The following CYP11B2 variants were observed in gnomAD, a reference collection of about 807,000 sequenced individuals.
CYP11B2 encodes cytochrome P450 family 11 subfamily B member 2.
CYP11B2 carries 38 observed loss-of-function variants against 49.3 expected under a neutral mutation model. The ratio of observed to expected loss-of-function variants is 0.77; its 90% CI spans 0.59 to 1.01. CYP11B2 has a LOEUF of 1.01. CYP11B2 is among the 50% of genes least tolerant of loss of function. The pLI is 0.00. For synonymous variants in CYP11B2, 290 were observed against 269.3 expected, an observed-to-expected ratio of 1.08 and a Z score of -0.75; for missense variants, 669 against 655.5, an observed-to-expected ratio of 1.02 and a Z score of -0.23.
At position 142,914,416 on chromosome 8, in the gene CYP11B2, C is replaced by A; in HGVS notation, c.802G>T (p.Asp268Tyr). Residue 268 changes from aspartate to tyrosine, a missense_variant and splice_region_variant, in exon 5 of 9, where the codon GAC (aspartate) becomes TAC (tyrosine). By Grantham distance (160) the Asp-to-Tyr change is radical. Coordinates refer to ENST00000323110, the MANE Select transcript of CYP11B2 (RefSeq NM_000498.3). ...TGGTAGATTTTCTGGATACAGTTGTCACCTGTCCAGGGAGCAGGGGACAGC... is the reference window on the plus strand; with the variant it reads ...TGGTAGATTTTCTGGATACAGTTGTAACCTGTCCAGGGAGCAGGGGACAGC... ...EAWDCIFQYG[D>Y]NCIQKIYQEL... The A allele has an allele frequency of 3.1e-6, 5 of 1,611,756 alleles. No homozygotes were observed. The highest frequency in any genetic ancestry group is 4.2e-6 in the Non-Finnish European group (5 of 1,178,860).
Position 142,917,128 on chromosome 8 carries a change from C to T in CYP11B2, c.326G>A (p.Cys109Tyr), listed in dbSNP as rs527956959. 1.0e-4 allele frequency: 168 copies of T among 1,614,224 alleles called. 3 individuals are homozygous for T. In the East Asian group the frequency reaches 2.3e-3, roughly 22 times the overall value. ...KLQQVDSLHPCRMILEPWVAY... is the reference protein window; with the variant it reads ...KLQQVDSLHPYRMILEPWVAY... Reference sequence around the variant, plus strand: ...CACCCAGGGCTCCAGGATCATCCTGCAGGGATGCAGGCTGTCCACCTGTTG... The same window carrying T: ...CACCCAGGGCTCCAGGATCATCCTGTAGGGATGCAGGCTGTCCACCTGTTG... Residue 109 changes from cysteine (C) to tyrosine (Y), a missense_variant, in exon 2 of 9, where the codon TGC (cysteine) becomes TAC (tyrosine). By Grantham distance (194) the Cys-to-Tyr change is radical. Coordinates refer to ENST00000323110, the MANE Select transcript of CYP11B2 (RefSeq NM_000498.3).
intron 6 of CYP11B2, among the ~76,000 whole-genome samples, 198 bp from the exon 7 acceptor site, chr8:142,913,083 C>T (rs1817570675): frequency 6.6e-6 from 1 of 151,124 alleles, no homozygotes; most frequent in South Asian, 2.1e-4. Flanking sequence ...AGGACATGCC[C>T]CACGTTAATC....
chr8:142,914,258 C>G lies in CYP11B2; in HGVS notation c.954+6G>C. On this transcript the variant is annotated splice_donor_region_variant and intron_variant, in intron 5 of 8. Transcript: ENST00000323110. The stretch of plus-strand genomic sequence containing the variant: ...CTCTCTGGGTGGGGCTGGTTGCTGG[C>G]CTGACCGTGTCCACGCTCCCTGCAG... The G allele has an allele frequency of 6.2e-7, 1 of 1,614,036 alleles. No homozygotes were observed.
At position 142,911,134 on chromosome 8, in the gene CYP11B2, C is replaced by T. The variant is rs1324430867; in HGVS notation, c.*846G>A. ...ATGAGTCAATAAAACTCATCTGAGTCCTTGTTGGCCCAATCCTGTCTCTCC... is the reference window on the plus strand; with the variant it reads ...ATGAGTCAATAAAACTCATCTGAGTTCTTGTTGGCCCAATCCTGTCTCTCC... On this transcript the variant is annotated 3_prime_UTR_variant, in exon 9 of 9. Coordinates refer to ENST00000323110, the MANE Select transcript of CYP11B2 (RefSeq NM_000498.3). 1 of 152,180 alleles carries T rather than the reference C, an allele frequency of 6.6e-6. No homozygotes were observed. The highest frequency in any genetic ancestry group is 1.5e-5 in the Non-Finnish European group (1 of 68,062). 9.4% of individuals were successfully genotyped at this position (152,180 alleles called of 1,614,324 possible).
chr8:142,916,078 A>G (rs1186586872), intron 2 of CYP11B2, among the ~76,000 whole-genome samples: 1 of 133,368 alleles, frequency 7.5e-6, no homozygotes, highest in Non-Finnish European at 1.7e-5. Flanking sequence ...CCACACATAC[A>G]TTCACACACA....
Position 142,911,921 on chromosome 8 carries a change from C to G in CYP11B2, c.*59G>C, listed in dbSNP as rs569164710. 6.2e-7 allele frequency: 1 copy of G among 1,612,442 alleles called. No homozygotes were observed. The highest frequency in any genetic ancestry group is 2.2e-5 in the East Asian group (1 of 44,828). ...GCACGTGGGAGAGAAGACAGGTGGC[C>G]TGGGGTCAGGCAGAGGGAAGCTGGT... is the stretch of plus-strand genomic sequence containing the variant. On this transcript the variant is annotated 3_prime_UTR_variant, in exon 9 of 9. Transcript: ENST00000323110.
At chr8:142,913,540 G>A (rs1227399302) in intron 5 of CYP11B2, 89 bp from the exon 6 acceptor site, 2 of 1,510,754 alleles carry the variant, frequency 1.3e-6, no homozygotes, top group Non-Finnish European at 1.8e-6. Context: ...CCTCTGAGGG[G>A]TGGAGACATC....
Position 142,917,810 on chromosome 8 carries a change from C to G in CYP11B2, c.31G>C (p.Val11Leu), listed in dbSNP as rs574581657. 2 of 1,614,108 alleles carry G rather than the reference C, an allele frequency of 1.2e-6. No homozygotes were observed. Among genetic ancestry groups the G allele is most frequent in the Non-Finnish European group, 8.5e-7 (1 of 1,180,044 alleles). MALRAKAEVC[V>L]AAPWLSLQRA... ...TGCAGGGACAGCCAGGGCGCTGCCA[C>G]GCACACCTCTGCCTTTGCCCTGAGT... is the stretch of plus-strand genomic sequence containing the variant. Residue 11 changes from valine to leucine, a missense_variant, in exon 1 of 9, where the codon GTG becomes CTG. By Grantham distance (32) the Val-to-Leu change is conservative (BLOSUM62 1). Coordinates refer to ENST00000323110, the MANE Select transcript of CYP11B2 (RefSeq NM_000498.3).
intron 1 of CYP11B2, 51 bp from the exon 2 acceptor site, chr8:142,917,265 C>T (rs781760998): frequency 5.0e-6 from 8 of 1,592,000 alleles, no homozygotes; most frequent in Admixed American, 1.7e-5. Context: ...TCCCTCGTGG[C>T]CCCACCCTGC....
intron 5 of CYP11B2, chr8:142,914,038 C>A: frequency 1.5e-6 from 1 of 663,184 alleles, no homozygotes. Context: ...GCATGGATCC[C>A]CACACAGGTA....
chr8:142,913,691 G>A (rs1349958892), intron 5 of CYP11B2, among the ~76,000 whole-genome samples: 5 of 152,062 alleles, frequency 3.3e-5, no homozygotes, highest in South Asian at 2.1e-4. Context: ...TCTTCAGGGC[G>A]GGTTCTCACA....
Position 142,912,719 on chromosome 8 carries a change from T to C in CYP11B2, c.1209A>G (p.Val403=), listed in dbSNP as rs762539427. The part of the protein sequence containing the change: ...QNYHIPAGTL[V]QVFLYSLGRN... ...GACCCAGCGAGTAGAGGAAAACCTG[T>C]ACCAATGTCTGCGGACGGTGCAGAG... The change falls in exon 8 of 9, where the codon GTA becomes GTG. Residue 403 remains valine, a synonymous_variant. Coordinates refer to ENST00000323110, the MANE Select transcript of CYP11B2 (RefSeq NM_000498.3). The C allele has an allele frequency of 4.8e-5, 77 of 1,613,442 alleles. No individual in the cohort carries two copies. Among genetic ancestry groups the C allele is most frequent in the Middle Eastern group, 1.6e-4 (1 of 6,084 alleles).
chr8:142,915,928 G>A (rs1353223300), intron 2 of CYP11B2, among the ~76,000 whole-genome samples: 2 of 152,186 alleles, frequency 1.3e-5, no homozygotes, highest in East Asian at 3.9e-4. Context: ...AGTGATGACA[G>A]GCAGAAGATG....
intron 5 of CYP11B2, chr8:142,913,871 A>G (rs1433684797): frequency 1.7e-5 from 8 of 480,120 alleles, no homozygotes; most frequent in Non-Finnish European, 3.3e-5. Flanking sequence ...ATGCATCTAC[A>G]TTTCTGGCCC....
rs1817590596 is a variant in CYP11B2, at chr8:142,914,065, C to G, written c.954+199G>C. On this transcript the variant is annotated intron_variant, in intron 5 of 8. Coordinates refer to ENST00000323110, the MANE Select transcript of CYP11B2 (RefSeq NM_000498.3). ...ACACAGGTAACTGCAAACTCAGTCT[C>G]ATGTGAGGGGGAGCTCACATTTCCC... The G allele has an allele frequency of 4.3e-6, 3 of 704,550 alleles. No homozygotes were observed. In the Admixed American group the frequency reaches 6.1e-5, roughly 14 times the overall value. The allele number at this position is 704,550 out of a possible 1,614,324, so 43.6% of individuals were successfully genotyped here.
intron 1 of CYP11B2, 136 bp from the exon 2 acceptor site, chr8:142,917,350 C>A: frequency 7.2e-7 from 1 of 1,395,900 alleles, no homozygotes. Context: ...AGCCCTCCTG[C>A]TGGCTCCCTG....
intron 5 of CYP11B2, among the ~76,000 whole-genome samples, chr8:142,913,778 G>A (rs1255798601): frequency 6.6e-6 from 1 of 152,162 alleles, no homozygotes; most frequent in African/African-American, 2.4e-5. Context: ...TGCTTCCATT[G>A]AGTTCTCCCC....
rs1224974655 is a variant in CYP11B2 at position 142,912,636 on chromosome 8, A to C, written c.1292T>G (p.Ile431Ser). 6.2e-6 allele frequency: 10 copies of C among 1,614,068 alleles called. No homozygotes were observed. The South Asian group carries it at 9.9e-5, about 16-fold the overall frequency. Reference protein sequence around the residue: ...ERYNPQRWLDIRGSGRNFHHV... With the variant: ...ERYNPQRWLDSRGSGRNFHHV... Reference sequence around the variant, plus strand: ...GTGGAAGTTCCTGCCGGAGCCCCTGATGTCTAGCCAGCGCTGGGGATTATA... The same window carrying C: ...GTGGAAGTTCCTGCCGGAGCCCCTGCTGTCTAGCCAGCGCTGGGGATTATA... Residue 431 changes from isoleucine to serine, a missense_variant, in exon 8 of 9, where the codon ATC becomes AGC. Transcript: ENST00000323110.
Position 142,914,633 on chromosome 8 carries a change from G to A in CYP11B2, c.799+72C>T. 2.9e-6 allele frequency: 4 copies of A among 1,385,220 alleles called. No homozygotes were observed. The South Asian group carries it at 3.8e-5, about 13-fold the overall frequency. 85.8% of individuals were successfully genotyped at this position (1,385,220 alleles called of 1,614,324 possible). A position where few individuals can be genotyped will look rare whatever the true frequency, so the allele number is the denominator to read the frequency against. ...CCCTGTGGCCTCCATTCCCCACTGG[G>A]TGGTGGAGAAGGAGAAATTGGGCCC... is the stretch of plus-strand genomic sequence containing the variant. On this transcript the variant is annotated intron_variant, in intron 4 of 8. Coordinates refer to ENST00000323110, the MANE Select transcript of CYP11B2 (RefSeq NM_000498.3).
Sources: gnomAD v4.1 joint callset for allele counts (sites outside exome capture counted in the v4.1 genomes callset) on GRCh38, gnomAD v4.1.1 for gene constraint, MANE v1.5 for transcripts, NCBI Gene and HGNC (gene_info 2026-07-23, HGNC 2026-07-21) for gene names.